UBXN7: variants seen among roughly 807,000 people sequenced by gnomAD.
UBXN7 encodes UBX domain protein 7, also known as UBX domain-containing protein 7.
UBXN7 carries 9 observed loss-of-function variants against 58.0 expected under a neutral mutation model. The ratio of observed to expected loss-of-function variants is 0.16; its 90% CI spans 0.09 to 0.27. The LOEUF (loss-of-function observed/expected upper bound fraction) is 0.27, where lower values mean the gene tolerates loss of function less well. Ranked by LOEUF, UBXN7 falls within the 10% of genes least tolerant of loss-of-function variation. UBXN7 has a pLI of 1.00. For synonymous variants in UBXN7, 208 were observed against 205.0 expected (o/e 1.01, Z -0.12); for missense variants, 328 against 599.6 (o/e 0.55, Z 4.73).
Position 196,392,328 on chromosome 3 carries a change from C to A in UBXN7, c.356-403G>T, listed in dbSNP as rs117551338. Among the ~76,000 whole-genome samples the A allele has an allele frequency of 8.5e-3, 1,268 of 149,942 alleles. 49 individuals are homozygous for A. Among genetic ancestry groups the A allele is most frequent in the Admixed American group, 0.067 (1,009 of 15,010 alleles). On this transcript the variant is annotated intron_variant, in intron 4 of 10. Coordinates refer to ENST00000296328, the MANE Select transcript of UBXN7 (RefSeq NM_015562.2). ...ATCAGCCTGGCCAAGATGGTGAAAC[C>A]CCGTTTCAACTAAAAATACAAAAAA...
intron 8 of UBXN7, among the ~76,000 whole-genome samples, chr3:196,364,951 G>T (rs1577434636): frequency 6.6e-6 from 1 of 152,062 alleles, no homozygotes; most frequent in East Asian, 1.9e-4. Context: ...GGCTTAGGTG[G>T]ATTGTAAATT....
In UBXN7 at chr3:196,355,395, G is replaced by A. The variant is rs1209518632; in HGVS notation, c.*1290C>T. 1 of 152,160 alleles carries A rather than the reference G, an allele frequency of 6.6e-6. No homozygotes were observed. Among genetic ancestry groups the A allele is most frequent in the Non-Finnish European group, 1.5e-5 (1 of 68,026 alleles). The allele number at this position is 152,160 out of a possible 1,614,324, so 9.4% of individuals were successfully genotyped here. On this transcript the variant is annotated 3_prime_UTR_variant, in exon 11 of 11. Transcript: ENST00000296328. ...GCCTCTTCTAAAAACACTGAAGAAAGCTTTCACCAACTCTAATTTGATTTT... is the reference window on the plus strand; with the variant it reads ...GCCTCTTCTAAAAACACTGAAGAAAACTTTCACCAACTCTAATTTGATTTT...
rs1728174825 is a variant in UBXN7 at position 196,349,978 on chromosome 3, G to A, written c.*6707C>T. 1 of 152,158 alleles carries A rather than the reference G, an allele frequency of 6.6e-6. No individual in the cohort carries two copies. Among genetic ancestry groups the A allele is most frequent in the Non-Finnish European group, 1.5e-5 (1 of 68,030 alleles). 9.4% of individuals were successfully genotyped at this position (152,158 alleles called of 1,614,324 possible). On this transcript the variant is annotated 3_prime_UTR_variant, in exon 11 of 11. Coordinates refer to ENST00000296328, the MANE Select transcript of UBXN7 (RefSeq NM_015562.2). ...TACCCAGAGTATTGTGATCTCTAGA[G>A]AGGAAATACAATTAAACAATAAAAA...
At chr3:196,374,954 GA>G (rs777326878) in intron 5 of UBXN7, among the ~76,000 whole-genome samples, 17 of 17,522 alleles carry the variant, frequency 9.7e-4, no homozygotes, top group South Asian at 3.8e-3. Context: ...AGGAAAGAAA[GA>G]AAGAAAAAAA....
rs117810766 is a variant in UBXN7, at chr3:196,411,287, C to G, written c.74-3894G>C. On this transcript the variant is annotated intron_variant, in intron 1 of 10. Transcript: ENST00000296328. ...ATGTCTGATAAACTTAGTGATATCT[C>G]ATAGTACTTTAACTCATTAGCTACA... Among the ~76,000 whole-genome samples the G allele has an allele frequency of 3.6e-3, 551 of 152,330 alleles. 20 individuals are homozygous for G. The South Asian group carries it at 0.075, about 21-fold the overall frequency.
intron 10 of UBXN7, among the ~76,000 whole-genome samples, chr3:196,358,976 A>G (rs1728430563): frequency 6.6e-6 from 1 of 151,976 alleles, no homozygotes; most frequent in African/African-American, 2.4e-5. Context: ...CACCTATTTC[A>G]AAGAATTATC....
In UBXN7 at chr3:196,356,153, A is replaced by G. The variant is rs1374644695; in HGVS notation, c.*532T>C. 6.5e-6 allele frequency: 1 copy of G among 152,732 alleles called. No homozygotes were observed. The highest frequency in any genetic ancestry group is 1.5e-5 in the Non-Finnish European group (1 of 68,080). The allele number at this position is 152,732 out of a possible 1,614,324, so 9.5% of individuals were successfully genotyped here. ...TTTTTCCACGTAAACAAAAGCCTGG[A>G]TATTTTGTTAAGCGACATTTCCACA... On this transcript the variant is annotated 3_prime_UTR_variant, in exon 11 of 11. Coordinates refer to ENST00000296328, the MANE Select transcript of UBXN7 (RefSeq NM_015562.2).
chr3:196,395,261 T>C (rs1729733477), intron 3 of UBXN7, among the ~76,000 whole-genome samples: 1 of 152,170 alleles, frequency 6.6e-6, no homozygotes, highest in Non-Finnish European at 1.5e-5. Context: ...ATTCTTTATA[T>C]CCAGAACTAC....
In UBXN7 at chr3:196,398,309, CGTTT is replaced by C. The variant is rs1465891433; in HGVS notation, c.289+4639_289+4642del. ...GACCCAAAGAAACTGAGATAACAAA[CGTTT>C]GTTTTTTTCAGGCAGTTTAATTTTG... On this transcript the variant is annotated intron_variant, in intron 3 of 10. Transcript: ENST00000296328. 3.3e-5 allele frequency among the ~76,000 whole-genome samples: 5 copies of C among 152,162 alleles called. No homozygotes were observed. In the East Asian group the frequency reaches 9.6e-4, roughly 29 times the overall value.
chr3:196,370,855 T>C (rs115183961), intron 6 of UBXN7, among the ~76,000 whole-genome samples: 9,223 of 75,374 alleles, frequency 0.12, 416 homozygotes, highest in Middle Eastern at 0.34. Flanking sequence ...ACCCCATCTC[T>C]ACAAAAAAAA....
chr3:196,389,435 G>C (rs1208899221), intron 5 of UBXN7, among the ~76,000 whole-genome samples: 5 of 152,188 alleles, frequency 3.3e-5, no homozygotes, highest in African/African-American at 7.2e-5. Context: ...CCACTTTCAA[G>C]GTTTTCTGAT....
Position 196,371,917 on chromosome 3 carries a change from C to G in UBXN7, c.594G>C (p.Arg198=), listed in dbSNP as rs758772115. ...TCACCTGCCAGAAAATGAAATGTTCCCGGATAATATTCTTCACAGCTTCGT... is the reference window on the plus strand; with the variant it reads ...TCACCTGCCAGAAAATGAAATGTTCGCGGATAATATTCTTCACAGCTTCGT... The part of the protein sequence containing the change: ...WSNEAVKNII[R]EHFIFWQVYH... The change falls in exon 6 of 11, where the codon CGG becomes CGC. Residue 198 remains arginine (R), a synonymous_variant. Transcript: ENST00000296328. The G allele has an allele frequency of 1.9e-6, 3 of 1,612,022 alleles. No homozygotes were observed. The Admixed American group carries it at 5.0e-5, about 27-fold the overall frequency.
At chr3:196,390,322 A>C (rs545090802) in intron 5 of UBXN7, among the ~76,000 whole-genome samples, 92 of 152,218 alleles carry the variant, frequency 6.0e-4, no homozygotes, top group African/African-American at 2.0e-3. Context: ...CACAGCCTCA[A>C]ACTCCTGAAC....
Position 196,410,551 on chromosome 3 carries a change from C to T in UBXN7, c.74-3158G>A, listed in dbSNP as rs1466362058. On this transcript the variant is annotated intron_variant, in intron 1 of 10. Transcript: ENST00000296328. ...AAAATCACTTCATGGCAGCCAGGCACGGAGGCTCACGCCTATAATCCCAGC... is the reference window on the plus strand; with the variant it reads ...AAAATCACTTCATGGCAGCCAGGCATGGAGGCTCACGCCTATAATCCCAGC... 3.9e-5 allele frequency among the ~76,000 whole-genome samples: 6 copies of T among 152,244 alleles called. No individual in the cohort carries two copies. In the South Asian group the frequency reaches 6.2e-4, roughly 16 times the overall value.
chr3:196,394,406 G>C (rs941609115), intron 3 of UBXN7, among the ~76,000 whole-genome samples: 1 of 151,522 alleles, frequency 6.6e-6, no homozygotes, highest in African/African-American at 2.4e-5. Flanking sequence ...TTCAAGACCA[G>C]CCTGATTAAC....
At chr3:196,412,593 A>T (rs905010542) in intron 1 of UBXN7, among the ~76,000 whole-genome samples, 1 of 152,188 alleles carries the variant, frequency 6.6e-6, no homozygotes, top group African/African-American at 2.4e-5. Context: ...CAGAGAACTG[A>T]AAGCAGGGTC....
intron 5 of UBXN7, among the ~76,000 whole-genome samples, chr3:196,388,149 T>C (rs974202964): frequency 2.0e-5 from 3 of 151,920 alleles, no homozygotes; most frequent in Non-Finnish European, 2.9e-5. Context: ...TGCAGGGACA[T>C]GGATGAAGCT....
chr3:196,383,079 G>A (rs2108840239), intron 5 of UBXN7, among the ~76,000 whole-genome samples: 1 of 149,196 alleles, frequency 6.7e-6, no homozygotes, highest in East Asian at 2.0e-4. Flanking sequence ...TCGCACCACT[G>A]CACTCCAGCC....
At chr3:196,391,720 C>T (rs543017995) in intron 5 of UBXN7, 93 bp downstream of exon 5, 24 of 913,852 alleles carry the variant, frequency 2.6e-5, no homozygotes, top group Admixed American at 9.5e-5. Flanking sequence ...GACGACAGAG[C>T]GAGACCTGCT....
Sources: gnomAD v4.1 joint callset for allele counts (sites outside exome capture counted in the v4.1 genomes callset) on GRCh38, gnomAD v4.1.1 for gene constraint, MANE v1.5 for transcripts, NCBI Gene and HGNC (gene_info 2026-07-23, HGNC 2026-07-21) for gene names.